The following DOCK8 variants were observed in gnomAD, a reference collection of about 807,000 sequenced individuals.
DOCK8 encodes the protein dedicator of cytokinesis 8.
DOCK8 carries 141 observed loss-of-function variants against 245.6 expected under a neutral mutation model. The ratio of observed to expected loss-of-function variants is 0.57; its 90% CI spans 0.50 to 0.66. The LOEUF is 0.66. DOCK8 is among the 30% of genes least tolerant of loss of function. The pLI, the probability that DOCK8 is intolerant of heterozygous loss-of-function variation, is 0.00. For synonymous variants in DOCK8, 1,168 were observed against 970.2 expected, an observed-to-expected ratio of 1.20 and a Z score of -3.79; for missense variants, 2,965 against 2,603.4, an observed-to-expected ratio of 1.14 and a Z score of -3.02.
chr9:334,210 T>C lies in DOCK8; in HGVS notation c.1126-15T>C. Reference sequence around the variant, plus strand: ...TGATGCTTGTTTCAGCTTGTTTCTTTCCATTTTCCTCCAGAGTAAAGAAAA... The same window carrying C: ...TGATGCTTGTTTCAGCTTGTTTCTTCCCATTTTCCTCCAGAGTAAAGAAAA... On this transcript the variant is annotated splice_polypyrimidine_tract_variant and intron_variant, in intron 10 of 47. Coordinates refer to ENST00000432829, the MANE Select transcript of DOCK8 (RefSeq NM_203447.4). 6.2e-7 allele frequency: 1 copy of C among 1,614,146 alleles called. No individual in the cohort carries two copies. The highest frequency in any genetic ancestry group is 2.2e-5 in the East Asian group (1 of 44,870).
intron 2 of DOCK8, chr9:272,897 G>A (rs2048200829): frequency 7.8e-6 from 2 of 257,946 alleles, no homozygotes; most frequent in African/African-American, 2.3e-5. Flanking sequence ...CAGCCCTCCT[G>A]TACTCACTTC....
chr9:357,914 T>C (rs2052522500), intron 14 of DOCK8, among the ~76,000 whole-genome samples: 2 of 152,244 alleles, frequency 1.3e-5, no homozygotes, highest in Admixed American at 6.5e-5. Context: ...GTTTTCCTTT[T>C]TCACTGGTTC....
intron 46 of DOCK8, among the ~76,000 whole-genome samples, chr9:462,750 TC>T (rs2057845202): frequency 6.6e-6 from 1 of 152,234 alleles, no homozygotes; most frequent in Non-Finnish European, 1.5e-5. Flanking sequence ...TCCTAGCACT[TC>T]CATATGTACG....
Position 370,246 on chromosome 9 carries a change from C to T in DOCK8, c.1814C>T (p.Ser605Phe), listed in dbSNP as rs377421571. ...GGTGAACAGGTCATCTTTGGAAAAT[C>T]CAGCGGGCCTGAATTTCTGCAGGAA... is the stretch of plus-strand genomic sequence containing the variant. ...SNAMPVIFGK[S>F]SGPEFLQEVY... Residue 605 changes from serine (S) to phenylalanine (F), a missense_variant, in exon 16 of 48, where the codon TCC (serine) becomes TTC (phenylalanine). Transcript: ENST00000432829. 3.1e-6 allele frequency: 5 copies of T among 1,613,956 alleles called. No homozygotes were observed. Among genetic ancestry groups the T allele is most frequent in the Non-Finnish European group, 4.2e-6 (5 of 1,179,902 alleles).
intron 23 of DOCK8, among the ~76,000 whole-genome samples, chr9:389,313 T>C (rs1420416504): frequency 6.6e-6 from 1 of 152,214 alleles, no homozygotes; most frequent in Non-Finnish European, 1.5e-5. Context: ...AGTCACCCTG[T>C]GCACTATTTG....
chr9:359,273 C>T (rs1387304052), intron 14 of DOCK8, among the ~76,000 whole-genome samples: 1 of 152,058 alleles, frequency 6.6e-6, no homozygotes, highest in East Asian at 1.9e-4. Context: ...AATTGTTGAC[C>T]AGAGAGATTG....
At chr9:325,019 G>C (rs10970392) in intron 7 of DOCK8, among the ~76,000 whole-genome samples, 101,664 of 151,810 alleles carry the variant, frequency 0.67, 34,161 homozygotes, top group South Asian at 0.74. Context: ...ATACCACTCT[G>C]TTTGCCTTTG....
chr9:241,878 A>G (rs1259849962), intron 1 of DOCK8, among the ~76,000 whole-genome samples: 1 of 152,180 alleles, frequency 6.6e-6, no homozygotes, highest in Non-Finnish European at 1.5e-5. Context: ...CCTCCTGAGT[A>G]GCTAGGATTA....
intron 1 of DOCK8, among the ~76,000 whole-genome samples, chr9:224,740 A>C (rs1285217824): frequency 6.6e-6 from 1 of 152,174 alleles, no homozygotes; most frequent in East Asian, 1.9e-4. Flanking sequence ...TTCCCCAGGA[A>C]GACAAACTGG....
chr9:350,062 C>G (rs1282917120), intron 14 of DOCK8, among the ~76,000 whole-genome samples: 6 of 152,154 alleles, frequency 3.9e-5, no homozygotes, highest in Non-Finnish European at 2.9e-5. Context: ...CCTTGTGCTC[C>G]TCAAGTTCGG....
intron 1 of DOCK8, among the ~76,000 whole-genome samples, chr9:267,304 C>A (rs958397040): frequency 6.6e-6 from 1 of 152,210 alleles, no homozygotes; most frequent in African/African-American, 2.4e-5. Context: ...CTCCCAGGCT[C>A]AAGCAATCCT....
intron 36 of DOCK8, among the ~76,000 whole-genome samples, chr9:431,726 C>G (rs2131729635): frequency 1.3e-5 from 2 of 152,240 alleles, no homozygotes; most frequent in Admixed American, 1.3e-4. Flanking sequence ...CCAGGCTGAT[C>G]TTGAACTCCT....
chr9:244,958 C>A (rs1039115235), intron 1 of DOCK8, among the ~76,000 whole-genome samples: 9 of 152,298 alleles, frequency 5.9e-5, no homozygotes, highest in Admixed American at 2.0e-4. Flanking sequence ...TCTCCAGGGG[C>A]AGGGCAGACC....
At chr9:260,620 T>G (rs1036688382) in intron 1 of DOCK8, among the ~76,000 whole-genome samples, 1 of 152,214 alleles carries the variant, frequency 6.6e-6, no homozygotes, top group African/African-American at 2.4e-5. Context: ...TGAGTTCACA[T>G]GTACAGTTTT....
At chr9:346,594 G>T (rs1323984006) in intron 14 of DOCK8, among the ~76,000 whole-genome samples, 2 of 152,016 alleles carry the variant, frequency 1.3e-5, no homozygotes, top group East Asian at 3.9e-4. Context: ...TGTGGAGGAC[G>T]GTGCTTGCTG....
intron 26 of DOCK8, among the ~76,000 whole-genome samples, chr9:402,059 G>C (rs1157240611): frequency 6.6e-6 from 1 of 152,180 alleles, no homozygotes; most frequent in Non-Finnish European, 1.5e-5. Context: ...TTTAAGTTGA[G>C]TGTATGAAAG....
intron 4 of DOCK8, among the ~76,000 whole-genome samples, chr9:300,295 G>A (rs16925974): frequency 0.021 from 3,248 of 152,218 alleles, 119 homozygotes; most frequent in African/African-American, 0.075. Flanking sequence ...ATAATTGCTA[G>A]TAGCTCTCTT....
rs112574638 is a variant in DOCK8 at position 459,524 on chromosome 9, A to C, written c.6069-3993A>C. Among the ~76,000 whole-genome samples the C allele has an allele frequency of 4.0e-3, 604 of 152,314 alleles. 5 individuals are homozygous for C. The highest frequency in any genetic ancestry group is 0.014 in the African/African-American group (568 of 41,564). On this transcript the variant is annotated intron_variant, in intron 46 of 47. Transcript: ENST00000432829. ...TTAATTATTATGCATGTGGTACATA[A>C]TAATTTTTGCTTTCCTCATTTCTAC...
intron 24 of DOCK8, among the ~76,000 whole-genome samples, chr9:394,175 CT>C (rs2054332772): frequency 6.6e-6 from 1 of 152,196 alleles, no homozygotes; most frequent in Non-Finnish European, 1.5e-5. Flanking sequence ...CCAACTCCAA[CT>C]GGAAGCCAAA....
Sources: gnomAD v4.1 joint callset for allele counts (sites outside exome capture counted in the v4.1 genomes callset) on GRCh38, gnomAD v4.1.1 for gene constraint, MANE v1.5 for transcripts, NCBI Gene and HGNC (gene_info 2026-07-23, HGNC 2026-07-21) for gene names.